Variants in ST7 observed in about 807,000 individuals in gnomAD.
The protein encoded by ST7 is suppression of tumorigenicity 7, also known as suppressor of tumorigenicity 7 protein.
In ST7, 28 loss-of-function variants were observed where a neutral mutation model predicts 78.7. The observed-to-expected ratio is 0.36, with a 90% CI of 0.26 to 0.49. ST7 has a LOEUF of 0.49. Ranked by LOEUF, ST7 falls within the 20% of genes least tolerant of loss-of-function variation. The pLI is 0.99. For missense variants in ST7, 418 were observed against 696.0 expected, an observed-to-expected ratio of 0.60 and a Z score of 4.49; for synonymous variants, 247 against 249.6, an observed-to-expected ratio of 0.99 and a Z score of 0.10.
chr7:117,174,599 CA>C (rs1239190219), intron 10 of ST7, among the ~76,000 whole-genome samples: 1 of 152,008 alleles, frequency 6.6e-6, no homozygotes, highest in Non-Finnish European at 1.5e-5. Flanking sequence ...ACTCCAGACC[CA>C]TGCTTTTAAC....
At chr7:117,043,508 T>A (rs527665742) in intron 1 of ST7, among the ~76,000 whole-genome samples, 1 of 152,328 alleles carries the variant, frequency 6.6e-6, no homozygotes, top group East Asian at 1.9e-4. Flanking sequence ...AAACATAAAT[T>A]ACTTTTGTGA....
chr7:117,082,811 A>T (rs1799884285), intron 1 of ST7, among the ~76,000 whole-genome samples: 1 of 152,240 alleles, frequency 6.6e-6, no homozygotes, highest in Non-Finnish European at 1.5e-5. Context: ...AGTCATAGAC[A>T]TTACATAAAC....
chr7:117,092,983 A>G (rs1800747806), intron 1 of ST7, among the ~76,000 whole-genome samples: 2 of 152,332 alleles, frequency 1.3e-5, no homozygotes, highest in African/African-American at 4.8e-5. Context: ...AGACTTGAAG[A>G]AAAGGAATAA....
At chr7:117,021,809 T>C (rs1265814222) in intron 1 of ST7, among the ~76,000 whole-genome samples, 1 of 152,188 alleles carries the variant, frequency 6.6e-6, no homozygotes, top group African/African-American at 2.4e-5. Context: ...ATTCAGCATG[T>C]GACAGTATTA....
In ST7 at chr7:116,982,467, G is replaced by A. The variant is rs554964399; in HGVS notation, c.151+28776G>A. ...TCGAACTCCCAACTTCAGGTGATCC[G>A]CCTGCCTCGGCCTCCCCATTTACTT... On this transcript the variant is annotated intron_variant, in intron 1 of 15. Coordinates refer to ENST00000323984, the MANE Select transcript of ST7 (RefSeq NM_001369598.1). Among the ~76,000 whole-genome samples, 5 of 152,108 alleles carry A rather than the reference G, an allele frequency of 3.3e-5. 1 individual carries two copies. The highest frequency in any genetic ancestry group is 9.6e-5 in the African/African-American group (4 of 41,504).
At chr7:117,131,183 A>G (rs1006774287) in intron 5 of ST7, among the ~76,000 whole-genome samples, 1 of 151,820 alleles carries the variant, frequency 6.6e-6, no homozygotes, top group Admixed American at 6.6e-5. Context: ...AGGTGAAAAA[A>G]TGTTTTTGAA....
At chr7:117,041,022 A>AT (rs1797189247) in intron 1 of ST7, among the ~76,000 whole-genome samples, 1 of 151,950 alleles carries the variant, frequency 6.6e-6, no homozygotes, top group South Asian at 2.1e-4. Flanking sequence ...AAAAGTTACC[A>AT]TTGGTAGATG....
chr7:117,020,371 G>A, intron 1 of ST7: 1 of 475,152 alleles, frequency 2.1e-6, no homozygotes, highest in South Asian at 4.6e-5. Context: ...GCAGCTCTTC[G>A]GTTTTTGGTG....
intron 12 of ST7, among the ~76,000 whole-genome samples, chr7:117,193,915 A>T (rs1324090769): frequency 1.3e-5 from 2 of 152,232 alleles, no homozygotes; most frequent in Non-Finnish European, 2.9e-5. Context: ...AAAGATAGAT[A>T]GGTAGTATTT....
chr7:117,114,581 A>G (rs1235754991), intron 2 of ST7, among the ~76,000 whole-genome samples: 1 of 152,192 alleles, frequency 6.6e-6, no homozygotes, highest in African/African-American at 2.4e-5. Context: ...ATTCTTAAGA[A>G]GCACTTAGCC....
chr7:117,003,060 G>A (rs1795012371), intron 1 of ST7, among the ~76,000 whole-genome samples: 1 of 151,952 alleles, frequency 6.6e-6, no homozygotes, highest in Admixed American at 6.6e-5. Context: ...CTGCCCTCAG[G>A]TGATCCACCT....
chr7:117,154,117 C>G (rs189834729), intron 9 of ST7, among the ~76,000 whole-genome samples: 11 of 152,226 alleles, frequency 7.2e-5, no homozygotes, highest in Non-Finnish European at 1.6e-4. Context: ...AAGCTCCTCT[C>G]CCCACTGTGA....
At chr7:116,978,986 A>G (rs1374391044) in intron 1 of ST7, among the ~76,000 whole-genome samples, 2 of 152,176 alleles carry the variant, frequency 1.3e-5, no homozygotes, top group African/African-American at 2.4e-5. Flanking sequence ...ATTGGTAACA[A>G]AGGATAGCAC....
rs1175371111 is a variant in ST7, at chr7:117,230,092, G to A, written c.*235G>A. 2 of 685,232 alleles carry A rather than the reference G, an allele frequency of 2.9e-6. No individual in the cohort carries two copies. Among genetic ancestry groups the A allele is most frequent in the Non-Finnish European group, 2.7e-6 (1 of 368,286 alleles). 42.4% of individuals were successfully genotyped at this position (685,232 alleles called of 1,614,324 possible). A position where few individuals can be genotyped will look rare whatever the true frequency, so the allele number is the denominator to read the frequency against. ...AGAAAGTCAAAAATAAAACTTTTGT[G>A]TATTACAGCAATCATTTGTATCCTC... On this transcript the variant is annotated 3_prime_UTR_variant, in exon 16 of 16. Transcript: ENST00000323984.
intron 1 of ST7, chr7:116,957,091 T>C (rs993099545): frequency 6.2e-6 from 1 of 162,100 alleles, no homozygotes; most frequent in African/African-American, 2.4e-5. Context: ...TTACATCGTG[T>C]AGTTTTCCAA....
chr7:117,155,354 G>C (rs1043175857), intron 9 of ST7, among the ~76,000 whole-genome samples: 2 of 152,156 alleles, frequency 1.3e-5, no homozygotes, highest in African/African-American at 4.8e-5. Context: ...GTTGTGTAAG[G>C]CATTTAGATT....
At chr7:117,049,258 G>T (rs1176259433) in intron 1 of ST7, among the ~76,000 whole-genome samples, 5 of 152,110 alleles carry the variant, frequency 3.3e-5, no homozygotes, top group Admixed American at 3.3e-4. Flanking sequence ...GTCCTTTGTG[G>T]CATTTTTTTC....
chr7:117,120,614 T>G (rs1390151335), intron 3 of ST7, among the ~76,000 whole-genome samples: 1 of 152,222 alleles, frequency 6.6e-6, no homozygotes, highest in African/African-American at 2.4e-5. Context: ...CCCTTTTCCC[T>G]TATTCATCCA....
chr7:117,059,072 G>T (rs970919513), intron 1 of ST7, among the ~76,000 whole-genome samples: 1 of 152,170 alleles, frequency 6.6e-6, no homozygotes, highest in African/African-American at 2.4e-5. Context: ...GGGATGTGGA[G>T]ATAGTTAATG....
Sources: gnomAD v4.1 joint callset for allele counts (sites outside exome capture counted in the v4.1 genomes callset) on GRCh38, gnomAD v4.1.1 for gene constraint, MANE v1.5 for transcripts, NCBI Gene and HGNC (gene_info 2026-07-23, HGNC 2026-07-21) for gene names.